The following IFT80 variants were observed in gnomAD, a reference collection of about 807,000 sequenced individuals.
IFT80 encodes intraflagellar transport 80.
In IFT80, 79 loss-of-function variants were observed where a neutral mutation model predicts 107.9. The observed-to-expected ratio is 0.73, with a 90% confidence interval of 0.61 to 0.88. The LOEUF is 0.88. Ranked by LOEUF, IFT80 falls within the 40% of genes least tolerant of loss-of-function variation. IFT80 has a pLI of 0.00. For synonymous variants in IFT80, 299 were observed against 300.9 expected, an observed-to-expected ratio of 0.99 and a Z score of 0.07; for missense variants, 797 against 914.2, an observed-to-expected ratio of 0.87 and a Z score of 1.65.
At chr3:160,264,441 G>A (rs1356839220) in intron 19 of IFT80, among the ~76,000 whole-genome samples, 3 of 148,930 alleles carry the variant, frequency 2.0e-5, no homozygotes, top group Non-Finnish European at 3.0e-5. Flanking sequence ...TTTATTTTTT[G>A]AGATGGAGTC....
At chr3:160,356,236 A>ATTTT in intron 7 of IFT80, 86 bp from the exon 8 acceptor site, 2 of 1,184,592 alleles carry the variant, frequency 1.7e-6, no homozygotes, top group Non-Finnish European at 2.4e-6. Context: ...TAAAATAAAA[A>ATTTT]TGTTTTATAA....
intron 5 of IFT80, among the ~76,000 whole-genome samples, chr3:160,370,200 T>C (rs1722137306): frequency 6.6e-6 from 1 of 152,164 alleles, no homozygotes; most frequent in East Asian, 1.9e-4. Context: ...ACTACTCTAA[T>C]AAATTACAGT....
intron 9 of IFT80, 91 bp from the exon 10 acceptor site, chr3:160,307,872 T>C: frequency 1.4e-6 from 1 of 723,036 alleles, no homozygotes; most frequent in Non-Finnish European, 2.5e-6. Context: ...CACAAAAAAT[T>C]AAATGCACTA....
intron 5 of IFT80, among the ~76,000 whole-genome samples, chr3:160,371,994 C>T (rs998565838): frequency 2.0e-5 from 3 of 152,044 alleles, no homozygotes; most frequent in African/African-American, 7.2e-5. Flanking sequence ...CCATAAATAC[C>T]AGTAAGAATC....
chr3:160,355,900 G>A (rs1721044532), intron 8 of IFT80, 113 bp downstream of exon 8: 2 of 1,239,482 alleles, frequency 1.6e-6, no homozygotes, highest in African/African-American at 3.0e-5. Flanking sequence ...AAATCAGAAA[G>A]ATTCAACCAG....
intron 9 of IFT80, among the ~76,000 whole-genome samples, chr3:160,313,253 A>G (rs1462028677): frequency 5.4e-5 from 8 of 148,962 alleles, no homozygotes; most frequent in Non-Finnish European, 1.2e-4. Context: ...AAGCTAGTAG[A>G]ATGATATAAA....
At chr3:160,313,090 ATTTTATATATATT>A (rs1717535791) in intron 9 of IFT80, among the ~76,000 whole-genome samples, 2 of 112,322 alleles carry the variant, frequency 1.8e-5, no homozygotes, top group African/African-American at 6.8e-5. Context: ...TATAATATAT[ATTTTATATATATT>A]TTTTATATAT....
At chr3:160,289,662 T>C (rs1715378122) in intron 12 of IFT80, among the ~76,000 whole-genome samples, 1 of 152,172 alleles carries the variant, frequency 6.6e-6, no homozygotes, top group Non-Finnish European at 1.5e-5. Flanking sequence ...ATCTGCTTTA[T>C]TCATCTTAGT....
At position 160,312,932 on chromosome 3, in the gene IFT80, TAATATATAATA is replaced by T. The variant is rs1288005976; in HGVS notation, c.958-5162_958-5152del. ...TAAATATATATTATATATAAATATA[TAATATATAATA>T]AATATATATTATATATAAATATATA... On this transcript the variant is annotated intron_variant, in intron 9 of 19. Coordinates refer to ENST00000326448, the MANE Select transcript of IFT80 (RefSeq NM_020800.3). Among the ~76,000 whole-genome samples the T allele has an allele frequency of 6.9e-5, 3 of 43,492 alleles. No homozygotes were observed. The Admixed American group carries it at 1.3e-3, about 19-fold the overall frequency. The allele number at this position is 43,492 out of a possible 152,430, so 28.5% of individuals were successfully genotyped here.
At chr3:160,384,190 G>T in intron 2 of IFT80, 1 of 192,100 alleles carries the variant, frequency 5.2e-6, no homozygotes, top group Non-Finnish European at 9.2e-6. Context: ...GGGTTGCAGT[G>T]AGTTGAGATC....
intron 9 of IFT80, among the ~76,000 whole-genome samples, chr3:160,314,648 G>A (rs1263283707): frequency 6.6e-6 from 1 of 152,160 alleles, no homozygotes; most frequent in Non-Finnish European, 1.5e-5. Context: ...AAAATTCTAA[G>A]TTGGGCAAAC....
chr3:160,299,616 C>T (rs577631595), intron 12 of IFT80, among the ~76,000 whole-genome samples: 1 of 152,186 alleles, frequency 6.6e-6, no homozygotes, highest in East Asian at 1.9e-4. Flanking sequence ...GTGTTTGGTC[C>T]TCTTCTTTGT....
chr3:160,327,176 T>C (rs755124214), intron 8 of IFT80, among the ~76,000 whole-genome samples: 6 of 151,856 alleles, frequency 4.0e-5, no homozygotes, highest in Non-Finnish European at 7.4e-5. Context: ...AAATCATAGA[T>C]GACACAAACA....
At chr3:160,282,180 C>T (rs1466283061) in intron 14 of IFT80, among the ~76,000 whole-genome samples, 1 of 152,132 alleles carries the variant, frequency 6.6e-6, no homozygotes, top group Non-Finnish European at 1.5e-5. Context: ...ACTTGGGAGG[C>T]TGAGGCAGGA....
chr3:160,353,872 T>C (rs1292659946), intron 8 of IFT80, among the ~76,000 whole-genome samples: 1 of 152,174 alleles, frequency 6.6e-6, no homozygotes, highest in Non-Finnish European at 1.5e-5. Context: ...GTCTATTAAA[T>C]AAAAGATAGA....
chr3:160,324,940 T>A (rs958757466), intron 8 of IFT80, among the ~76,000 whole-genome samples: 1 of 150,456 alleles, frequency 6.6e-6, no homozygotes, highest in South Asian at 2.1e-4. Context: ...AGTCTCAGGA[T>A]ACAAAATCAA....
chr3:160,319,964 G>C (rs772914256), intron 8 of IFT80, 25 bp from the exon 9 acceptor site: 1 of 1,600,114 alleles, frequency 6.2e-7, no homozygotes, highest in Non-Finnish European at 8.5e-7. Context: ...ACAAGAAAAA[G>C]ATGGACTTAC....
At chr3:160,337,888 C>T (rs921154757) in intron 8 of IFT80, among the ~76,000 whole-genome samples, 4 of 152,002 alleles carry the variant, frequency 2.6e-5, no homozygotes, top group African/African-American at 9.7e-5. Flanking sequence ...TATCTGCATG[C>T]CTTTTCAATA....
At chr3:160,391,994 T>G (rs144825261) in intron 1 of IFT80, among the ~76,000 whole-genome samples, 1 of 152,192 alleles carries the variant, frequency 6.6e-6, no homozygotes, top group Non-Finnish European at 1.5e-5. Context: ...TGAGAAAAGG[T>G]GGCTAATCAA....
Sources: allele counts gnomAD v4.1 joint callset (sites outside exome capture counted in the v4.1 genomes callset), GRCh38; gene constraint gnomAD v4.1.1; transcripts MANE v1.5; gene names NCBI Gene and HGNC (gene_info 2026-07-23, HGNC 2026-07-21).